Variants in FTCDNL1 observed in about 807,000 individuals in gnomAD.
FTCDNL1 encodes formiminotransferase cyclodeaminase N-terminal like.
A neutral mutation model predicts 5.9 loss-of-function variants in FTCDNL1; 11 were observed. That is an observed-to-expected ratio of 1.87 (90% CI 1.18 to 3.10). The LOEUF is 3.10. FTCDNL1 is among the 30% of genes most tolerant of loss of function. The pLI is 0.00. For missense variants in FTCDNL1, 115 were observed against 65.5 expected, an observed-to-expected ratio of 1.76 and a Z score of -2.61; for synonymous variants, 58 against 24.8, an observed-to-expected ratio of 2.34 and a Z score of -3.99.
the FTCDNL1 span, among the ~76,000 whole-genome samples, chr2:199,731,975 G>A: frequency 6.6e-5 from 10 of 152,108 alleles, no homozygotes; most frequent in East Asian, 9.7e-4. Flanking sequence ...TTCTTAAAGA[G>A]AAGAAACAAT....
At chr2:199,821,424 T>C (rs1459444802) in intron 3 of FTCDNL1, among the ~76,000 whole-genome samples, 1 of 150,688 alleles carries the variant, frequency 6.6e-6, no homozygotes, top group African/African-American at 2.5e-5. Flanking sequence ...CCTCCCAAAG[T>C]GCTGGGATTA....
At chr2:199,783,988 C>T (rs1337659572) in intron 3 of FTCDNL1, among the ~76,000 whole-genome samples, 2 of 152,162 alleles carry the variant, frequency 1.3e-5, no homozygotes, top group Non-Finnish European at 2.9e-5. Flanking sequence ...CCACATGTCC[C>T]TATTTCAAGT....
the FTCDNL1 span, among the ~76,000 whole-genome samples, chr2:199,708,233 T>C: frequency 6.6e-6 from 1 of 152,096 alleles, no homozygotes; most frequent in Non-Finnish European, 1.5e-5. Context: ...GAATTTTTCA[T>C]TTCAGATATT....
chr2:199,723,859 T>C, the FTCDNL1 span, among the ~76,000 whole-genome samples: 33 of 152,162 alleles, frequency 2.2e-4, no homozygotes, highest in Middle Eastern at 6.3e-3. Flanking sequence ...TTTTTGTTTA[T>C]CTCTGCCAGG....
the FTCDNL1 span, among the ~76,000 whole-genome samples, chr2:199,741,842 AT>A: frequency 1.3e-5 from 2 of 152,184 alleles, no homozygotes; most frequent in South Asian, 2.1e-4. Flanking sequence ...TGTACTAAAC[AT>A]TTCTCAAATA....
At chr2:199,681,492 T>C in the FTCDNL1 span, among the ~76,000 whole-genome samples, 1 of 152,302 alleles carries the variant, frequency 6.6e-6, no homozygotes, top group Admixed American at 6.5e-5. Flanking sequence ...TGTCTGAATG[T>C]TTGCAGGCTT....
At chr2:199,672,671 G>C in the FTCDNL1 span, among the ~76,000 whole-genome samples, 11 of 152,160 alleles carry the variant, frequency 7.2e-5, no homozygotes, top group East Asian at 2.1e-3. Flanking sequence ...GAAAGATTCA[G>C]ACAGCTGGCA....
At chr2:199,759,030 A>G (rs964658111), downstream of FTCDNL1, among the ~76,000 whole-genome samples, 4 of 152,206 alleles carry the variant, frequency 2.6e-5, no homozygotes, top group Admixed American at 2.6e-4. Flanking sequence ...TTGTTTTTAA[A>G]AAAGAAACTA....
intron 3 of FTCDNL1, among the ~76,000 whole-genome samples, chr2:199,825,820 T>A (rs1701995151): frequency 6.6e-6 from 1 of 152,216 alleles, no homozygotes; most frequent in South Asian, 2.1e-4. Flanking sequence ...TCTGGAGTAT[T>A]CATTCATAGC....
intron 3 of FTCDNL1, among the ~76,000 whole-genome samples, 156 bp downstream of exon 3, chr2:199,845,919 G>C (rs573074199): frequency 6.6e-6 from 1 of 151,878 alleles, no homozygotes; most frequent in South Asian, 2.1e-4. Flanking sequence ...AGATTTACAT[G>C]TTCAGAAAAA....
At chr2:199,821,911 T>C (rs1701715594) in intron 3 of FTCDNL1, among the ~76,000 whole-genome samples, 1 of 152,202 alleles carries the variant, frequency 6.6e-6, no homozygotes, top group Non-Finnish European at 1.5e-5. Context: ...GGTACAGGCA[T>C]ACCTCAGAGA....
chr2:199,781,597 A>C (rs781340894), intron 3 of FTCDNL1, among the ~76,000 whole-genome samples: 31 of 152,174 alleles, frequency 2.0e-4, no homozygotes, highest in Non-Finnish European at 3.8e-4. Context: ...ACAGAATGGC[A>C]GGGGGTGGGA....
the FTCDNL1 span, among the ~76,000 whole-genome samples, chr2:199,737,860 T>C: frequency 6.6e-6 from 1 of 152,136 alleles, no homozygotes; most frequent in Non-Finnish European, 1.5e-5. Context: ...AGAGGTAGAG[T>C]AATGCAAATT....
chr2:199,663,858 CT>C, the FTCDNL1 span, among the ~76,000 whole-genome samples: 5 of 152,064 alleles, frequency 3.3e-5, no homozygotes, highest in Non-Finnish European at 5.9e-5. Context: ...ACGAGATCTC[CT>C]TTATTTCTCT....
At chr2:199,690,638 C>T in the FTCDNL1 span, among the ~76,000 whole-genome samples, 1 of 152,186 alleles carries the variant, frequency 6.6e-6, no homozygotes, top group Non-Finnish European at 1.5e-5. Flanking sequence ...GCATGCACCC[C>T]ACTCAACTAT....
intron 3 of FTCDNL1, among the ~76,000 whole-genome samples, chr2:199,839,102 C>T (rs1176755721): frequency 6.6e-6 from 1 of 152,000 alleles, no homozygotes; most frequent in African/African-American, 2.4e-5. Flanking sequence ...TTCAGCCTTC[C>T]AGCATCCACT....
intron 3 of FTCDNL1, among the ~76,000 whole-genome samples, chr2:199,790,231 C>G (rs1032262567): frequency 6.6e-6 from 1 of 152,050 alleles, no homozygotes; most frequent in Non-Finnish European, 1.5e-5. Flanking sequence ...GGCGCGGTGA[C>G]TCATGCCTGT....
chr2:199,712,138 C>G, the FTCDNL1 span, among the ~76,000 whole-genome samples: 1 of 151,706 alleles, frequency 6.6e-6, no homozygotes, highest in African/African-American at 2.4e-5. Flanking sequence ...AAATCAATAC[C>G]CAGCCAAAGC....
chr2:199,783,283 C>A (rs558429232), intron 3 of FTCDNL1, among the ~76,000 whole-genome samples: 1 of 152,318 alleles, frequency 6.6e-6, no homozygotes, highest in African/African-American at 2.4e-5. Context: ...TTTTCTGGCC[C>A]TATGTAGAAT....
Sources: allele counts gnomAD v4.1 joint callset (sites outside exome capture counted in the v4.1 genomes callset), GRCh38; gene constraint gnomAD v4.1.1; transcripts MANE v1.5; gene names NCBI Gene and HGNC (gene_info 2026-07-23, HGNC 2026-07-21).